Variants in OCIAD2 observed in about 807,000 individuals in gnomAD.
OCIAD2 encodes the protein OCIA domain-containing protein 2.
Under a neutral mutation model 22.9 loss-of-function variants are expected in OCIAD2, and 29 were observed. The observed-to-expected ratio is 1.27, with a 90% CI of 0.94 to 1.73. The LOEUF (loss-of-function observed/expected upper bound fraction) is 1.73. Ranked by LOEUF, OCIAD2 falls within the 40% of genes most tolerant of loss-of-function variation. The pLI, the probability that OCIAD2 is intolerant of heterozygous loss-of-function variation, is 0.00. For missense variants in OCIAD2, 189 were observed against 180.3 expected (o/e 1.05, Z -0.28); for synonymous variants, 67 against 60.2 (o/e 1.11, Z -0.52).
chr4:48,896,239 GA>G (rs1292739917), intron 4 of OCIAD2, among the ~76,000 whole-genome samples: 1 of 152,104 alleles, frequency 6.6e-6, no homozygotes, highest in Non-Finnish European at 1.5e-5. Flanking sequence ...TTGAGACCCA[GA>G]AAAGAACTAG....
chr4:48,886,866 T>G (rs1474557849), intron 6 of OCIAD2, among the ~76,000 whole-genome samples: 1 of 152,230 alleles, frequency 6.6e-6, no homozygotes, highest in Non-Finnish European at 1.5e-5. Context: ...AGTAATGGGA[T>G]GGCTGGGTCA....
Position 48,890,057 on chromosome 4 carries a change from G to A in OCIAD2, c.383+2715C>T, listed in dbSNP as rs536903922. On this transcript the variant is annotated intron_variant, in intron 6 of 6. Transcript: ENST00000508632. The stretch of plus-strand genomic sequence containing the variant: ...CACTCATAGGTGGGAACTGAACAAT[G>A]AGAACACTTGGACACAGGAAGGGGA... 7.0e-5 allele frequency among the ~76,000 whole-genome samples: 10 copies of A among 142,944 alleles called. No homozygotes were observed. The East Asian group carries it at 2.2e-3, about 31-fold the overall frequency. 93.8% of individuals were successfully genotyped at this position (142,944 alleles called of 152,430 possible).
Position 48,885,493 on chromosome 4 carries a change from T to C in OCIAD2, c.456A>G (p.Ser152=). 1 of 1,596,208 alleles carries C rather than the reference T, an allele frequency of 6.3e-7. No homozygotes were observed. The highest frequency in any genetic ancestry group is 8.6e-7 in the Non-Finnish European group (1 of 1,163,782). ...GLSEKGDSQP[S]AS Reference sequence around the variant, plus strand: ...GTCACAGACACAGAATTTAGGAAGCTGAAGGCTGAGAGTCTCCCTTCTCAC... The same window carrying C: ...GTCACAGACACAGAATTTAGGAAGCCGAAGGCTGAGAGTCTCCCTTCTCAC... The change falls in exon 7 of 7, where the codon TCA becomes TCG. Residue 152 remains serine (S), a synonymous_variant. Coordinates refer to ENST00000508632, the MANE Select transcript of OCIAD2 (RefSeq NM_001014446.3).
chr4:48,898,927 C>A (rs956580607), intron 3 of OCIAD2, among the ~76,000 whole-genome samples: 2 of 152,086 alleles, frequency 1.3e-5, no homozygotes, highest in Non-Finnish European at 2.9e-5. Context: ...TCATAGCTAC[C>A]CCATAGTGGG....
In OCIAD2 at chr4:48,892,360, C is replaced by T. The variant is rs549962123; in HGVS notation, c.383+412G>A. On this transcript the variant is annotated intron_variant, in intron 6 of 6. Coordinates refer to ENST00000508632, the MANE Select transcript of OCIAD2 (RefSeq NM_001014446.3). ...AAGTACTATAACAGCAGAGGTGATG[C>T]CATTAACTCCAAAGTCGTACTGCCT... Among the ~76,000 whole-genome samples, 334 of 152,236 alleles carry T rather than the reference C, an allele frequency of 2.2e-3. 3 individuals are homozygous for T. The highest frequency in any genetic ancestry group is 3.2e-3 in the Non-Finnish European group (217 of 68,024).
intron 4 of OCIAD2, among the ~76,000 whole-genome samples, chr4:48,895,369 A>G (rs1430813132): frequency 2.6e-5 from 4 of 152,226 alleles, no homozygotes; most frequent in African/African-American, 9.6e-5. Flanking sequence ...CTGCTGCTAT[A>G]ACAGAATACC....
chr4:48,886,117 G>T (rs1195538119), intron 6 of OCIAD2, among the ~76,000 whole-genome samples: 3 of 152,156 alleles, frequency 2.0e-5, no homozygotes, highest in Admixed American at 1.3e-4. Context: ...GTGTAAGAAA[G>T]GGATCCAGTT....
chr4:48,894,256 C>T (rs575021735), intron 4 of OCIAD2, among the ~76,000 whole-genome samples: 8 of 151,972 alleles, frequency 5.3e-5, no homozygotes, highest in Admixed American at 2.0e-4. Flanking sequence ...CTTTGGAGGC[C>T]GAGGCGGGCA....
chr4:48,896,768 AT>A (rs1781311621), intron 4 of OCIAD2, among the ~76,000 whole-genome samples: 1 of 35,790 alleles, frequency 2.8e-5, no homozygotes, highest in South Asian at 2.6e-3. Flanking sequence ...ACCTCGTCTC[AT>A]TTAAAAAAAA....
chr4:48,900,388 A>G (rs989486290), intron 2 of OCIAD2, among the ~76,000 whole-genome samples: 6 of 152,080 alleles, frequency 3.9e-5, no homozygotes, highest in African/African-American at 1.4e-4. Flanking sequence ...CAGAGAACCT[A>G]TGTATATATG....
chr4:48,886,941 G>C (rs914922136), intron 6 of OCIAD2, among the ~76,000 whole-genome samples: 13 of 152,140 alleles, frequency 8.5e-5, no homozygotes, highest in Admixed American at 3.9e-4. Flanking sequence ...GGTTGAACTA[G>C]TTTACAGTCC....
chr4:48,885,380 T>G lies in OCIAD2; in HGVS notation c.*104A>C. On this transcript the variant is annotated 3_prime_UTR_variant, in exon 7 of 7. Coordinates refer to ENST00000508632, the MANE Select transcript of OCIAD2 (RefSeq NM_001014446.3). ...ACATTTCAGTGAGTGACAGACACAA[T>G]GTTTTTGTTCCATTAGAAGTATTTT... 1 of 738,952 alleles carries G rather than the reference T, an allele frequency of 1.4e-6. No individual in the cohort carries two copies. Among genetic ancestry groups the G allele is most frequent in the Non-Finnish European group, 2.4e-6 (1 of 408,716 alleles). The allele number at this position is 738,952 out of a possible 1,614,324, so 45.8% of individuals were successfully genotyped here.
chr4:48,898,346 C>T (rs376113404), intron 3 of OCIAD2, among the ~76,000 whole-genome samples: 1 of 152,092 alleles, frequency 6.6e-6, no homozygotes, highest in Admixed American at 6.6e-5. Context: ...TCTAATTTTT[C>T]CTTTTTTGTC....
At chr4:48,890,000 G>A (rs904072222) in intron 6 of OCIAD2, among the ~76,000 whole-genome samples, 3 of 150,948 alleles carry the variant, frequency 2.0e-5, no homozygotes, top group African/African-American at 7.3e-5. Context: ...GCAAACTATT[G>A]CAAGGAGAAG....
At chr4:48,897,669 G>A in intron 4 of OCIAD2, 135 bp downstream of exon 4, 1 of 740,434 alleles carries the variant, frequency 1.4e-6, no homozygotes, top group South Asian at 1.5e-5. Flanking sequence ...GGGGACTTAG[G>A]CTGAAAATAG....
chr4:48,898,261 A>G (rs1560460136), intron 3 of OCIAD2, among the ~76,000 whole-genome samples: 1 of 152,254 alleles, frequency 6.6e-6, no homozygotes, highest in Admixed American at 6.5e-5. Flanking sequence ...ATAAAAAGCA[A>G]TACAATAAAC....
In OCIAD2 at chr4:48,898,791, A is replaced by C. The variant is rs539904861; in HGVS notation, c.164-934T>G. Among the ~76,000 whole-genome samples the C allele has an allele frequency of 1.9e-4, 29 of 152,344 alleles. No homozygotes were observed. In the South Asian group the frequency reaches 4.1e-3, roughly 22 times the overall value. ...TAAAACAGGAAATTTAGTCTGGGAA[A>C]GGCAATTTCTAGTTCTGTCCATCAA... On this transcript the variant is annotated intron_variant, in intron 3 of 6. Transcript: ENST00000508632.
rs6447671 is a variant in OCIAD2 at position 48,894,361 on chromosome 4, T to C, written c.218-308A>G. Among the ~76,000 whole-genome samples, 476 of 151,996 alleles carry C rather than the reference T, an allele frequency of 3.1e-3. 1 individual carries two copies. The highest frequency in any genetic ancestry group is 0.011 in the African/African-American group (446 of 41,474). ...TACAAAACTTAGCCAGGCATGATGG[T>C]GGGTGCCTGTAATCCCAGATACTCA... On this transcript the variant is annotated intron_variant, in intron 4 of 6. Transcript: ENST00000508632.
intron 6 of OCIAD2, among the ~76,000 whole-genome samples, chr4:48,890,426 G>T (rs527616795): frequency 1.3e-5 from 2 of 152,116 alleles, no homozygotes; most frequent in South Asian, 2.1e-4. Flanking sequence ...TCTAACAATA[G>T]CATAAAAATT....
Sources: gnomAD v4.1 joint callset for allele counts (sites outside exome capture counted in the v4.1 genomes callset) on GRCh38, gnomAD v4.1.1 for gene constraint, MANE v1.5 for transcripts, NCBI Gene and HGNC (gene_info 2026-07-23, HGNC 2026-07-21) for gene names.